Variants in CSMD2 observed in about 807,000 individuals in gnomAD.
CSMD2 encodes CUB and sushi domain-containing protein 2.
In CSMD2, 130 loss-of-function variants were observed where a neutral mutation model predicts 398.5. The ratio of observed to expected loss-of-function variants is 0.33; its 90% CI spans 0.28 to 0.38. The LOEUF (loss-of-function observed/expected upper bound fraction) is 0.38. Among genes scored for constraint, CSMD2 ranks in the 10% least tolerant of loss-of-function variants. The pLI is 1.00. For missense variants in CSMD2, 3,829 were observed against 4,764.9 expected, an observed-to-expected ratio of 0.80 and a Z score of 5.78; for synonymous variants, 1,828 against 1,908.5, an observed-to-expected ratio of 0.96 and a Z score of 1.10.
chr1:33,670,977 G>T (rs1205732849), intron 25 of CSMD2, among the ~76,000 whole-genome samples: 4 of 152,168 alleles, frequency 2.6e-5, no homozygotes, highest in African/African-American at 9.7e-5. Flanking sequence ...CCAGATGAAG[G>T]GGGTGGGTGA....
intron 1 of CSMD2, among the ~76,000 whole-genome samples, chr1:34,126,168 G>A (rs984842715): frequency 2.0e-4 from 31 of 152,160 alleles, no homozygotes; most frequent in Admixed American, 2.0e-3. Flanking sequence ...TCCTCAACTG[G>A]TATTTCTTGG....
intron 4 of CSMD2, among the ~76,000 whole-genome samples, chr1:33,924,070 C>T (rs1411843597): frequency 1.3e-5 from 2 of 152,186 alleles, no homozygotes; most frequent in African/African-American, 2.4e-5. Flanking sequence ...CTACTGTCAA[C>T]CTCTATGAGA....
rs144179342 is a variant in CSMD2, at chr1:33,848,697, A to G, written c.921-1701T>C. Among the ~76,000 whole-genome samples, 226 of 152,338 alleles carry G rather than the reference A, an allele frequency of 1.5e-3. 2 individuals are homozygous for G. Among genetic ancestry groups the G allele is most frequent in the African/African-American group, 5.2e-3 (216 of 41,576 alleles). ...CTTCAGGAATATAACCCATACCGCT[A>G]TGGTAAAAACTATTATAAAAACCAA... On this transcript the variant is annotated intron_variant, in intron 5 of 70. Coordinates refer to ENST00000373381, the MANE Select transcript of CSMD2 (RefSeq NM_001281956.2).
intron 2 of CSMD2, among the ~76,000 whole-genome samples, chr1:34,065,762 C>T (rs1179100416): frequency 2.0e-5 from 3 of 152,130 alleles, no homozygotes; most frequent in African/African-American, 7.2e-5. Context: ...TCATTATTGC[C>T]ATCTATATGC....
chr1:34,029,539 A>G (rs1184177912), intron 3 of CSMD2, among the ~76,000 whole-genome samples: 1 of 152,220 alleles, frequency 6.6e-6, no homozygotes, highest in Non-Finnish European at 1.5e-5. Flanking sequence ...TCCAAAAGTA[A>G]GTGCAACTCA....
At chr1:34,044,688 C>T (rs1652278030) in intron 2 of CSMD2, among the ~76,000 whole-genome samples, 1 of 152,122 alleles carries the variant, frequency 6.6e-6, no homozygotes, top group Non-Finnish European at 1.5e-5. Context: ...ATGCATGTCT[C>T]TTCTTTGCAA....
chr1:33,615,069 G>A (rs375093323), intron 39 of CSMD2, among the ~76,000 whole-genome samples: 4 of 152,308 alleles, frequency 2.6e-5, no homozygotes, highest in South Asian at 2.1e-4. Flanking sequence ...CTCTGTGCCC[G>A]GCACCATGCC....
chr1:33,635,400 GC>G lies in CSMD2; in HGVS notation c.4970-71del. The G allele has an allele frequency of 1.1e-6, 1 of 943,198 alleles. No individual in the cohort carries two copies. Among genetic ancestry groups the G allele is most frequent in the South Asian group, 1.5e-5 (1 of 68,380 alleles). The allele number at this position is 943,198 out of a possible 1,614,324, so 58.4% of individuals were successfully genotyped here. ...CTTACCAGTGACCATCCTCTGTTCTGCCCCAGCCTGAGCTTCTGGCCCCAGT... is the reference window on the plus strand; with the variant it reads ...CTTACCAGTGACCATCCTCTGTTCTGCCCAGCCTGAGCTTCTGGCCCCAGT... On this transcript the variant is annotated intron_variant, in intron 30 of 70. Transcript: ENST00000373381. The surrounding 1 kb of genome is among the most constrained non-coding windows in gnomAD (Gnocchi z 5.0).
At chr1:33,664,234 T>A (rs1345467047) in intron 25 of CSMD2, among the ~76,000 whole-genome samples, 3 of 152,194 alleles carry the variant, frequency 2.0e-5, no homozygotes, top group African/African-American at 7.2e-5. Context: ...TTGGTACATA[T>A]GCTTCCAGAG....
chr1:34,082,537 G>A (rs946462612), intron 2 of CSMD2, among the ~76,000 whole-genome samples: 1 of 150,490 alleles, frequency 6.6e-6, no homozygotes, highest in East Asian at 2.0e-4. Flanking sequence ...GGGGTGGGGG[G>A]GCCCCTCTGC....
Position 33,611,040 on chromosome 1 carries a change from C to T in CSMD2, c.6343+1G>A. On this transcript the variant is annotated splice_donor_variant, in intron 41 of 70. Coordinates refer to ENST00000373381, the MANE Select transcript of CSMD2 (RefSeq NM_001281956.2). LOFTEE classifies it high-confidence loss of function. ...GCAAAGGCGGTGCTCCTTGTCCTTA[C>T]CCTGATACTCCAGCTTGAATCCTGG... 6.2e-7 allele frequency: 1 copy of T among 1,613,542 alleles called. No individual in the cohort carries two copies. The highest frequency in any genetic ancestry group is 8.5e-7 in the Non-Finnish European group (1 of 1,179,840).
At chr1:33,627,444 T>A (rs1642197751) in intron 32 of CSMD2, among the ~76,000 whole-genome samples, 1 of 152,138 alleles carries the variant, frequency 6.6e-6, no homozygotes, top group Non-Finnish European at 1.5e-5. Flanking sequence ...GCTGCCCCCC[T>A]GCAGCCTCAG....
At position 33,850,048 on chromosome 1, in the gene CSMD2, G is replaced by T. The variant is rs559444899; in HGVS notation, c.921-3052C>A. ...CTCCTCACTGTTCAAAACTGGCCAG[G>T]CCTGCTCCTGCCTCAGGGTCTTTGC... On this transcript the variant is annotated intron_variant, in intron 5 of 70. Transcript: ENST00000373381. Among the ~76,000 whole-genome samples the T allele has an allele frequency of 1.1e-3, 174 of 152,078 alleles. 1 individual carries two copies. The highest frequency in any genetic ancestry group is 4.1e-3 in the African/African-American group (171 of 41,498).
intron 10 of CSMD2, among the ~76,000 whole-genome samples, chr1:33,803,297 C>T (rs1655828696): frequency 6.6e-6 from 1 of 152,184 alleles, no homozygotes; most frequent in Admixed American, 6.5e-5. Context: ...ATTCCTTAAG[C>T]TTCTATTCTC....
At chr1:34,072,757 G>A (rs956890673) in intron 2 of CSMD2, among the ~76,000 whole-genome samples, 3 of 152,100 alleles carry the variant, frequency 2.0e-5, no homozygotes, top group Admixed American at 1.3e-4. Flanking sequence ...TCAGGACCCC[G>A]ACACTGCTGC....
intron 2 of CSMD2, among the ~76,000 whole-genome samples, chr1:34,074,528 C>T (rs954155325): frequency 6.6e-6 from 1 of 152,192 alleles, no homozygotes; most frequent in Non-Finnish European, 1.5e-5. Context: ...CACTCTCATC[C>T]CTCCTTCCAC....
At chr1:33,965,866 C>T (rs745651081) in intron 3 of CSMD2, among the ~76,000 whole-genome samples, 7 of 152,326 alleles carry the variant, frequency 4.6e-5, no homozygotes, top group Non-Finnish European at 1.0e-4. Context: ...AGAAGCACAT[C>T]CTTTCCATAA....
chr1:33,747,143 A>C (rs533973494), intron 13 of CSMD2, among the ~76,000 whole-genome samples: 1 of 152,358 alleles, frequency 6.6e-6, no homozygotes, highest in East Asian at 1.9e-4. Flanking sequence ...AATTTAAACA[A>C]CAAACTCAAG....
chr1:33,866,660 C>T (rs1375734643), intron 5 of CSMD2, among the ~76,000 whole-genome samples: 1 of 152,186 alleles, frequency 6.6e-6, no homozygotes, highest in East Asian at 1.9e-4. Flanking sequence ...TGGTCTCACC[C>T]CTCACGGAGA....
Sources: allele counts gnomAD v4.1 joint callset (sites outside exome capture counted in the v4.1 genomes callset), GRCh38; gene constraint gnomAD v4.1.1; non-coding constraint Gnocchi (gnomAD v3.1); transcripts MANE v1.5; gene names NCBI Gene and HGNC (gene_info 2026-07-23, HGNC 2026-07-21).